Variants in NOTCH2 observed in about 807,000 individuals in gnomAD.
The protein encoded by NOTCH2 is neurogenic locus notch homolog protein 2.
A neutral mutation model predicts 235.8 loss-of-function variants in NOTCH2; 29 were observed. The observed-to-expected ratio is 0.12, with a 90% CI of 0.09 to 0.17. The LOEUF (loss-of-function observed/expected upper bound fraction) is 0.17. Among genes scored for constraint, NOTCH2 ranks in the 10% least tolerant of loss-of-function variants. The pLI, the probability that NOTCH2 is intolerant of heterozygous loss-of-function variation, is 1.00. For synonymous variants in NOTCH2, 1,086 were observed against 1,141.5 expected (o/e 0.95, Z 0.98); for missense variants, 2,285 against 3,150.2 (o/e 0.73, Z 6.57).
In NOTCH2 at chr1:119,996,988, G is replaced by C; in HGVS notation, c.751+9C>G. The C allele has an allele frequency of 6.2e-7, 1 of 1,612,722 alleles. No homozygotes were observed. The highest frequency in any genetic ancestry group is 8.5e-7 in the Non-Finnish European group (1 of 1,179,026). On this transcript the variant is annotated intron_variant, in intron 4 of 33. Transcript: ENST00000256646. The stretch of plus-strand genomic sequence containing the variant: ...TCCCCTAATCCTGGGACACTAGGGA[G>C]CTCCTTACCTGGAAGGCAGTTGCAC...
chr1:120,069,216 G>T (rs61790277), intron 1 of NOTCH2, 118 bp downstream of exon 1: 83 of 1,526,496 alleles, frequency 5.4e-5, no homozygotes, highest in Admixed American at 1.4e-4. Flanking sequence ...GAGTGGCCTC[G>T]CTCCGCGCCG....
At position 119,937,390 on chromosome 1, in the gene NOTCH2, G is replaced by A; in HGVS notation, c.3414C>T (p.Pro1138=). Residue 1138 remains proline, a synonymous_variant, in exon 21 of 34, where the codon CCC becomes CCT. Transcript: ENST00000256646. ...CACAGTAGCTCCCAGTATAGCCCAG[G>A]GGGCACTGACAGTAATGCGTGTTGC... ...NAGNTHYCQC[P]LGYTGSYCEE... 1 of 1,614,076 alleles carries A rather than the reference G, an allele frequency of 6.2e-7. No individual in the cohort carries two copies. Among genetic ancestry groups the A allele is most frequent in the South Asian group, 1.1e-5 (1 of 91,068 alleles).
intron 12 of NOTCH2, 43 bp from the exon 13 acceptor site, chr1:119,955,275 A>C: frequency 6.3e-7 from 1 of 1,595,108 alleles, no homozygotes; most frequent in Non-Finnish European, 8.6e-7. Context: ...CTAAATGCTT[A>C]GGAAATAGAC....
At chr1:119,936,025 G>C (rs1570672489) in intron 21 of NOTCH2, among the ~76,000 whole-genome samples, 1 of 152,188 alleles carries the variant, frequency 6.6e-6, no homozygotes, top group East Asian at 1.9e-4. Context: ...TTGATCTCCA[G>C]GTTTAGGAAA....
At chr1:119,959,300 T>C (rs1650847030) in intron 12 of NOTCH2, 92 bp downstream of exon 12, 7 of 791,940 alleles carry the variant, frequency 8.8e-6, no homozygotes, top group Non-Finnish European at 1.6e-5. Context: ...GACAAAGAAA[T>C]AGGAAACACT....
chr1:120,004,868 G>A (rs1652900340), intron 3 of NOTCH2, among the ~76,000 whole-genome samples: 1 of 152,104 alleles, frequency 6.6e-6, no homozygotes, highest in Non-Finnish European at 1.5e-5. Context: ...AAACTCCTGG[G>A]CTCAAGCAAT....
intron 2 of NOTCH2, among the ~76,000 whole-genome samples, chr1:120,007,617 G>T (rs587640264): frequency 2.2e-3 from 329 of 151,570 alleles, no homozygotes; most frequent in Middle Eastern, 0.017. Flanking sequence ...TTGAACCCGG[G>T]AGGCGGAGGT....
At chr1:119,957,831 C>CACACACAT (rs2101128257) in intron 12 of NOTCH2, among the ~76,000 whole-genome samples, 1 of 77,676 alleles carries the variant, frequency 1.3e-5, no homozygotes, top group African/African-American at 8.4e-5. Flanking sequence ...CTTATATAAA[C>CACACACAT]ACACACACAC....
chr1:119,941,578 C>G lies in NOTCH2; in HGVS notation c.2929G>C (p.Ala977Pro). 1 of 1,614,196 alleles carries G rather than the reference C, an allele frequency of 6.2e-7. No individual in the cohort carries two copies. The highest frequency in any genetic ancestry group is 1.7e-5 in the Admixed American group (1 of 60,026). Residue 977 changes from alanine to proline, a missense_variant, in exon 18 of 34, where the codon GCA becomes CCA. Around this residue, in one of 6 missense-constraint regions of NOTCH2, gnomAD observed 1,173 missense variants for 1,515.3 expected, o/e 0.77. Transcript: ENST00000256646. ...TCACAATGGACTCCATCAAATCCTG[C>G]CTGGCACTTGCAAGTGTAACTGTTG... ...YVNSYTCKCQ[A>P]GFDGVHCENN...
chr1:120,048,475 A>T (rs1263077626), intron 1 of NOTCH2, among the ~76,000 whole-genome samples: 1 of 93,790 alleles, frequency 1.1e-5, no homozygotes, highest in Non-Finnish European at 1.9e-5. Context: ...TGGAGACAGG[A>T]TCTTGCTCTG....
intron 17 of NOTCH2, among the ~76,000 whole-genome samples, chr1:119,947,219 A>G (rs1381331027): frequency 6.6e-6 from 1 of 152,212 alleles, no homozygotes; most frequent in African/African-American, 2.4e-5. Flanking sequence ...CCTCTTCAAA[A>G]GAAAATCAAA....
chr1:119,984,470 T>C (rs1553202017), intron 5 of NOTCH2, among the ~76,000 whole-genome samples: 1 of 152,176 alleles, frequency 6.6e-6, no homozygotes, highest in African/African-American at 2.4e-5. Context: ...AGATAAAACA[T>C]TGTAATTAGC....
chr1:119,938,896 G>T (rs1207461189), intron 19 of NOTCH2, among the ~76,000 whole-genome samples: 1 of 152,088 alleles, frequency 6.6e-6, no homozygotes, highest in African/African-American at 2.4e-5. Flanking sequence ...TAGCCAGGAC[G>T]GTCTCGATCT....
rs368986104 is a variant in NOTCH2, at chr1:119,919,318, G to A, written c.5775C>T (p.Val1925=). 95 of 1,611,228 alleles carry A rather than the reference G, an allele frequency of 5.9e-5. No individual in the cohort carries two copies. Among genetic ancestry groups the A allele is most frequent in the Middle Eastern group, 2.0e-4 (1 of 4,984 alleles). The change falls in exon 31 of 34, where the codon GTC becomes GTT. Residue 1925 remains valine (V), a synonymous_variant. Coordinates refer to ENST00000256646, the MANE Select transcript of NOTCH2 (RefSeq NM_024408.4). ...CTCTTCTCATGTTCTTTACCTGGAA[G>A]ACACCTTGGGCATCAGCTGCCACTG... ...HAAVAADAQG[V]FQILIRNRVT...
intron 5 of NOTCH2, among the ~76,000 whole-genome samples, chr1:119,982,696 C>T (rs1651859029): frequency 2.0e-5 from 3 of 152,224 alleles, no homozygotes; most frequent in Admixed American, 6.5e-5. Flanking sequence ...AGGCTTATCC[C>T]TATAAGACAC....
At chr1:119,941,808 A>G (rs1553196521) in intron 17 of NOTCH2, 54 bp from the exon 18 acceptor site, 1 of 1,359,746 alleles carries the variant, frequency 7.4e-7, no homozygotes. Context: ...GTTTAATCTT[A>G]GATTCATAAA....
chr1:119,950,339 A>G (rs995756915), intron 15 of NOTCH2: 22 of 371,814 alleles, frequency 5.9e-5, no homozygotes, highest in Non-Finnish European at 1.0e-4. Context: ...AATCCAAAGT[A>G]CAAAAAGTGT....
chr1:120,041,882 GA>G (rs1396831513), intron 1 of NOTCH2, among the ~76,000 whole-genome samples: 1,112 of 96,222 alleles, frequency 0.012, 6 homozygotes, highest in Non-Finnish European at 0.017. Flanking sequence ...AAAAAAGAAA[GA>G]AAAAAAGAAA....
chr1:120,055,875 G>A (rs2799204), intron 1 of NOTCH2, among the ~76,000 whole-genome samples: 17 of 149,124 alleles, frequency 1.1e-4, no homozygotes, highest in African/African-American at 4.0e-4. Context: ...AGACCTGCCG[G>A]GTTGTCTCAA....
Sources: gnomAD v4.1 joint callset for allele counts (sites outside exome capture counted in the v4.1 genomes callset) on GRCh38, gnomAD v4.1.1 for gene constraint, gnomAD v4.1.1 regional missense constraint, MANE v1.5 for transcripts, NCBI Gene and HGNC (gene_info 2026-07-23, HGNC 2026-07-21) for gene names.